The following EXOC4 variants were observed in gnomAD, a reference collection of about 807,000 sequenced individuals.
The protein encoded by EXOC4 is exocyst complex component 4.
A neutral mutation model predicts 107.2 loss-of-function variants in EXOC4; 71 were observed. That is an observed-to-expected ratio of 0.66 (90% CI 0.55 to 0.81). The LOEUF (loss-of-function observed/expected upper bound fraction) is 0.81, where lower values mean the gene tolerates loss of function less well. Ranked by LOEUF, EXOC4 falls within the 30% of genes least tolerant of loss-of-function variation. The pLI is 0.00. For synonymous variants in EXOC4, 456 were observed against 441.2 expected (o/e 1.03, Z -0.42); for missense variants, 1,108 against 1,189.6 (o/e 0.93, Z 1.01).
chr7:133,481,012 T>A (rs1799141956), intron 9 of EXOC4: 1 of 148,540 alleles, frequency 6.7e-6, no homozygotes, highest in African/African-American at 2.5e-5. Context: ...ATCATGCCAC[T>A]GCACTTCAGC....
chr7:133,537,234 T>G (rs1800287623), intron 9 of EXOC4, among the ~76,000 whole-genome samples: 1 of 151,568 alleles, frequency 6.6e-6, no homozygotes, highest in Admixed American at 6.6e-5. Context: ...CACTGCAGCC[T>G]CCGCCTCCCA....
chr7:134,076,467 G>A, the EXOC4 span, among the ~76,000 whole-genome samples: 12 of 151,832 alleles, frequency 7.9e-5, no homozygotes, highest in African/African-American at 1.2e-4. Context: ...GCAGTGAGCC[G>A]AGATCACGCC....
At chr7:133,556,777 G>A (rs1349415574) in intron 9 of EXOC4, among the ~76,000 whole-genome samples, 1 of 152,190 alleles carries the variant, frequency 6.6e-6, no homozygotes, top group Non-Finnish European at 1.5e-5. Context: ...CTTGCTGAAG[G>A]AGTGGGAGAG....
intron 10 of EXOC4, among the ~76,000 whole-genome samples, chr7:133,742,997 G>A (rs562430809): frequency 8.5e-4 from 129 of 152,288 alleles, no homozygotes; most frequent in South Asian, 2.5e-3. Flanking sequence ...GGTGCTGCTG[G>A]TGGTTCTTAA....
intron 11 of EXOC4, among the ~76,000 whole-genome samples, chr7:133,855,130 T>TATATATATATATAAATATATATATAA (rs1563028617): frequency 2.8e-5 from 3 of 105,990 alleles, no homozygotes; most frequent in South Asian, 2.9e-4. Context: ...TATATATAAA[T>TATATATATATATAAATATATATATAA]ATATATATAT....
intron 9 of EXOC4, among the ~76,000 whole-genome samples, chr7:133,542,198 T>TGTGC (rs1484610793): frequency 2.6e-5 from 4 of 151,602 alleles, no homozygotes; most frequent in Non-Finnish European, 5.9e-5. Context: ...TGTGTGTGTG[T>TGTGC]GCCTTCAGAA....
chr7:133,341,136 T>G (rs1181647907), intron 5 of EXOC4, among the ~76,000 whole-genome samples: 1 of 152,200 alleles, frequency 6.6e-6, no homozygotes, highest in African/African-American at 2.4e-5. Flanking sequence ...TGTCTATTTG[T>G]GCTCTTTCAG....
intron 11 of EXOC4, among the ~76,000 whole-genome samples, chr7:133,879,172 C>T (rs1014856846): frequency 6.6e-6 from 1 of 152,022 alleles, no homozygotes; most frequent in Non-Finnish European, 1.5e-5. Context: ...GCAATCATAG[C>T]TTACCTGGGA....
chr7:133,947,969 G>C (rs1563067682), intron 14 of EXOC4, among the ~76,000 whole-genome samples: 1 of 152,168 alleles, frequency 6.6e-6, no homozygotes, highest in South Asian at 2.1e-4. Context: ...GCAAGAGAAG[G>C]CTCTAAAATG....
chr7:133,383,323 G>C (rs552892113), intron 7 of EXOC4, among the ~76,000 whole-genome samples: 17 of 152,178 alleles, frequency 1.1e-4, no homozygotes, highest in Non-Finnish European at 2.4e-4. Flanking sequence ...AGCCATTGTT[G>C]ACTTAAATGT....
intron 7 of EXOC4, among the ~76,000 whole-genome samples, chr7:133,414,637 A>G (rs1414783293): frequency 6.6e-6 from 1 of 152,196 alleles, no homozygotes; most frequent in Non-Finnish European, 1.5e-5. Flanking sequence ...ATGTATCCAC[A>G]TGGATACATC....
chr7:133,455,853 C>G (rs570897900), intron 7 of EXOC4, among the ~76,000 whole-genome samples: 14 of 152,200 alleles, frequency 9.2e-5, no homozygotes, highest in Non-Finnish European at 1.3e-4. Flanking sequence ...GAACTTCTTG[C>G]AACATAAGCA....
At chr7:133,952,491 T>G (rs1425720484) in intron 14 of EXOC4, among the ~76,000 whole-genome samples, 1 of 152,224 alleles carries the variant, frequency 6.6e-6, no homozygotes, top group Non-Finnish European at 1.5e-5. Flanking sequence ...TGGAAATTTG[T>G]GTTCTTTTTT....
intron 9 of EXOC4, among the ~76,000 whole-genome samples, chr7:133,546,905 A>G (rs1584990294): frequency 6.6e-6 from 1 of 152,176 alleles, no homozygotes. Flanking sequence ...CATAAATTTG[A>G]TATGCATTTT....
intron 10 of EXOC4, among the ~76,000 whole-genome samples, chr7:133,801,797 T>C (rs1796950504): frequency 6.6e-6 from 1 of 152,224 alleles, no homozygotes; most frequent in South Asian, 2.1e-4. Flanking sequence ...GCATTGATCA[T>C]GTCCTACCCA....
chr7:134,067,730 T>G (rs1002026886), downstream of EXOC4, among the ~76,000 whole-genome samples: 1 of 152,050 alleles, frequency 6.6e-6, no homozygotes, highest in African/African-American at 2.4e-5. Context: ...TTTTGGTTAC[T>G]TTTAGCTATA....
chr7:133,984,959 C>T (rs770483712), intron 14 of EXOC4, among the ~76,000 whole-genome samples: 8 of 152,112 alleles, frequency 5.3e-5, no homozygotes, highest in Non-Finnish European at 8.8e-5. Context: ...GAGATGAAAA[C>T]GTCTCTTAAG....
At chr7:133,813,032 G>A (rs759668366) in intron 10 of EXOC4, among the ~76,000 whole-genome samples, 2 of 152,080 alleles carry the variant, frequency 1.3e-5, no homozygotes, top group African/African-American at 2.4e-5. Flanking sequence ...GTCCCTTGCC[G>A]CTCTGAAAGC....
chr7:133,478,311 G>GAA (rs1366364011), intron 8 of EXOC4, among the ~76,000 whole-genome samples: 3 of 106,710 alleles, frequency 2.8e-5, no homozygotes, highest in Non-Finnish European at 5.4e-5. Flanking sequence ...TGTGGTATTG[G>GAA]GAAAAAAAAA....
Sources: allele counts gnomAD v4.1 joint callset (sites outside exome capture counted in the v4.1 genomes callset), GRCh38; gene constraint gnomAD v4.1.1; transcripts MANE v1.5; gene names NCBI Gene and HGNC (gene_info 2026-07-23, HGNC 2026-07-21).